Variants in PIK3AP1 observed in about 807,000 individuals in gnomAD.
PIK3AP1 encodes phosphoinositide 3-kinase adapter protein 1.
Under a neutral mutation model 88.1 loss-of-function variants are expected in PIK3AP1, and 21 were observed. The ratio of observed to expected loss-of-function variants is 0.24; its 90% CI spans 0.17 to 0.34. The LOEUF (loss-of-function observed/expected upper bound fraction) is 0.34. Ranked by LOEUF, PIK3AP1 falls within the 10% of genes least tolerant of loss-of-function variation. The pLI, the probability that PIK3AP1 is intolerant of heterozygous loss-of-function variation, is 1.00. For missense variants in PIK3AP1, 828 were observed against 1,035.7 expected, an observed-to-expected ratio of 0.80 and a Z score of 2.75; for synonymous variants, 398 against 400.0, an observed-to-expected ratio of 1.00 and a Z score of 0.06.
intron 16 of PIK3AP1, among the ~76,000 whole-genome samples, chr10:96,598,421 G>A (rs1337232229): frequency 6.6e-6 from 1 of 152,004 alleles, no homozygotes; most frequent in Non-Finnish European, 1.5e-5. Flanking sequence ...TGACTTGATG[G>A]CTACTTTTTT....
intron 2 of PIK3AP1, among the ~76,000 whole-genome samples, chr10:96,661,844 AAG>A (rs1437815231): frequency 3.8e-4 from 49 of 129,904 alleles, no homozygotes; most frequent in Admixed American, 3.1e-3. Flanking sequence ...GGAAAGGGAA[AAG>A]GGAAAGGGAA....
intron 8 of PIK3AP1, among the ~76,000 whole-genome samples, chr10:96,634,516 G>T (rs1056728433): frequency 4.6e-5 from 7 of 152,158 alleles, no homozygotes; most frequent in Non-Finnish European, 8.8e-5. Flanking sequence ...ACTCTTACTA[G>T]CTCTGTGTCC....
chr10:96,673,670 T>A lies in PIK3AP1; in HGVS notation c.431-16736A>T, dbSNP rs1843878369. On this transcript the variant is annotated intron_variant, in intron 2 of 16. Transcript: ENST00000339364. ...TTCCTGGTTCAGGAATCAGTTCTTATCTAGACAGACACTGATGTCTGGATT... is the reference window on the plus strand; with the variant it reads ...TTCCTGGTTCAGGAATCAGTTCTTAACTAGACAGACACTGATGTCTGGATT... 2.0e-5 allele frequency among the ~76,000 whole-genome samples: 3 copies of A among 152,278 alleles called. No individual in the cohort carries two copies. In the South Asian group the frequency reaches 6.2e-4, roughly 32 times the overall value.
intron 1 of PIK3AP1, 35 bp from the exon 2 acceptor site, chr10:96,710,018 C>T: frequency 1.3e-6 from 2 of 1,539,488 alleles, no homozygotes; most frequent in Non-Finnish European, 1.8e-6. Flanking sequence ...CATGTTAGCA[C>T]ACCTCCCCTT....
chr10:96,660,588 A>G (rs1016333914), intron 2 of PIK3AP1, among the ~76,000 whole-genome samples: 8 of 152,224 alleles, frequency 5.3e-5, no homozygotes, highest in African/African-American at 1.7e-4. Flanking sequence ...TGGTACAGCC[A>G]CTTTGGAAGA....
chr10:96,608,010 A>G (rs903909986), intron 14 of PIK3AP1, among the ~76,000 whole-genome samples: 5 of 152,218 alleles, frequency 3.3e-5, no homozygotes, highest in Non-Finnish European at 5.9e-5. Context: ...TCTGTCATTT[A>G]GTAACATTTT....
intron 7 of PIK3AP1, among the ~76,000 whole-genome samples, chr10:96,648,255 TG>T (rs1771815087): frequency 6.6e-6 from 1 of 151,656 alleles, no homozygotes; most frequent in Non-Finnish European, 1.5e-5. Context: ...GGTGAGGAGG[TG>T]GGGGGAGATG....
intron 2 of PIK3AP1, among the ~76,000 whole-genome samples, chr10:96,684,394 G>A (rs1021751009): frequency 1.3e-5 from 2 of 152,222 alleles, no homozygotes; most frequent in African/African-American, 2.4e-5. Flanking sequence ...TGGAACGGCA[G>A]TGGATGGCCA....
intron 2 of PIK3AP1, among the ~76,000 whole-genome samples, chr10:96,702,418 G>A (rs1445459685): frequency 1.3e-5 from 2 of 150,942 alleles, no homozygotes; most frequent in Admixed American, 6.6e-5. Flanking sequence ...AGAATCGCTT[G>A]AACCGTGGAG....
At chr10:96,654,640 CT>C (rs1843590116) in intron 3 of PIK3AP1, among the ~76,000 whole-genome samples, 2 of 152,212 alleles carry the variant, frequency 1.3e-5, no homozygotes, top group Non-Finnish European at 2.9e-5. Context: ...CCCTTCCCCT[CT>C]CCCCAGGATC....
intron 14 of PIK3AP1, among the ~76,000 whole-genome samples, chr10:96,604,841 A>G (rs1406844493): frequency 1.3e-5 from 2 of 152,134 alleles, no homozygotes; most frequent in Non-Finnish European, 2.9e-5. Context: ...AACAAAATGC[A>G]AAGTACACAC....
chr10:96,661,884 A>AG (rs1843694031), intron 2 of PIK3AP1, among the ~76,000 whole-genome samples: 1 of 152,156 alleles, frequency 6.6e-6, no homozygotes, highest in African/African-American at 2.4e-5. Context: ...GGGGAAAGTG[A>AG]GGGGTACTAT....
intron 2 of PIK3AP1, among the ~76,000 whole-genome samples, chr10:96,705,794 A>C (rs1844353855): frequency 6.6e-6 from 1 of 150,680 alleles, no homozygotes; most frequent in Non-Finnish European, 1.5e-5. Flanking sequence ...TGTTGTCCAG[A>C]CAGGTCTCAA....
intron 8 of PIK3AP1, among the ~76,000 whole-genome samples, chr10:96,644,839 G>A (rs1347881035): frequency 6.6e-6 from 1 of 151,484 alleles, no homozygotes. Context: ...CAATTTCTAT[G>A]AAAATGGAAA....
At chr10:96,691,078 T>C (rs1345102615) in intron 2 of PIK3AP1, among the ~76,000 whole-genome samples, 3 of 152,184 alleles carry the variant, frequency 2.0e-5, no homozygotes, top group Non-Finnish European at 2.9e-5. Context: ...TCCCTGCCCA[T>C]AGCTTGCTTA....
chr10:96,664,109 C>G (rs2134246792), intron 2 of PIK3AP1, among the ~76,000 whole-genome samples: 1 of 152,282 alleles, frequency 6.6e-6, no homozygotes, highest in South Asian at 2.1e-4. Context: ...CCAGAAGTCT[C>G]TCTTAAGGAG....
At chr10:96,653,930 C>T (rs1208259109) in intron 3 of PIK3AP1, among the ~76,000 whole-genome samples, 1 of 152,218 alleles carries the variant, frequency 6.6e-6, no homozygotes, top group Non-Finnish European at 1.5e-5. Context: ...TGGACCAGTC[C>T]TGCTACTCAA....
At chr10:96,632,953 G>A (rs970149258) in intron 8 of PIK3AP1, 1 of 1,612,862 alleles carries the variant, frequency 6.2e-7, no homozygotes. Flanking sequence ...AGCTAGCAGG[G>A]CAGTGAAGAG....
At chr10:96,681,319 C>T (rs147963072) in intron 2 of PIK3AP1, among the ~76,000 whole-genome samples, 75 of 152,252 alleles carry the variant, frequency 4.9e-4, no homozygotes, top group African/African-American at 1.6e-3. Context: ...TTCTGAGGTA[C>T]GAAAGGTTAG....
Sources: allele counts gnomAD v4.1 joint callset (sites outside exome capture counted in the v4.1 genomes callset), GRCh38; gene constraint gnomAD v4.1.1; transcripts MANE v1.5; gene names NCBI Gene and HGNC (gene_info 2026-07-23, HGNC 2026-07-21).